The following RUVBL1 variants were observed in gnomAD, a reference collection of about 807,000 sequenced individuals.
RUVBL1 encodes ruvB-like 1.
A neutral mutation model predicts 52.4 loss-of-function variants in RUVBL1; 4 were observed. That is an observed-to-expected ratio of 0.08 (90% CI 0.04 to 0.17). The LOEUF is 0.17. Ranked by LOEUF, RUVBL1 falls within the 10% of genes least tolerant of loss-of-function variation. The pLI is 1.00. For synonymous variants in RUVBL1, 217 were observed against 214.4 expected (o/e 1.01, Z -0.10); for missense variants, 298 against 572.8 (o/e 0.52, Z 4.90).
At chr3:128,147,324 C>G (rs1407170954) in intron 1 of RUVBL1, among the ~76,000 whole-genome samples, 3 of 152,134 alleles carry the variant, frequency 2.0e-5, no homozygotes, top group Non-Finnish European at 4.4e-5. Context: ...CCCACCTTGG[C>G]CTCCCAAAAT....
rs543949229 is a variant in RUVBL1 at position 128,146,361 on chromosome 3, T to G, written c.-40+6842A>C. ...GTGCGTGTGTCTCTGTGCTTATGCA[T>G]GGCCCCATTTGCCTGCTGCTGTGAG... On this transcript the variant is annotated intron_variant, in intron 1 of 9. Coordinates refer to the RUVBL1 transcript ENST00000464873. 2.0e-5 allele frequency among the ~76,000 whole-genome samples: 3 copies of G among 151,678 alleles called. No individual in the cohort carries two copies. In the East Asian group the frequency reaches 5.8e-4, roughly 29 times the overall value.
rs372381267 is a variant in RUVBL1 at position 128,081,331 on chromosome 3, G to A, written c.1290C>T (p.Val430=). The change falls in exon 11 of 11, where the codon GTC becomes GTT. Residue 430 remains valine (V), a synonymous_variant. Coordinates refer to ENST00000322623, the MANE Select transcript of RUVBL1 (RefSeq NM_003707.3). The surrounding 1 kb of genome is among the most constrained non-coding windows in gnomAD (Gnocchi z 4.8). ...CATAGAAAAGTTCACTGATCTCTTC[G>A]ACATGCTCTTTCTCAATGCTGTCCT... ...NGKDSIEKEH[V]EEISELFYDA... 3.8e-5 allele frequency: 61 copies of A among 1,614,192 alleles called. No homozygotes were observed. The African/African-American group carries it at 4.7e-4, about 12-fold the overall frequency.
At chr3:128,146,667 A>G (rs2955102) in intron 1 of RUVBL1, among the ~76,000 whole-genome samples, 44,927 of 140,508 alleles carry the variant, frequency 0.32, 6,877 homozygotes, top group Middle Eastern at 0.41. Flanking sequence ...GCGTGTGCAC[A>G]TGTTTGCGTG....
At chr3:128,138,766 A>G (rs1291671348) in intron 1 of RUVBL1, among the ~76,000 whole-genome samples, 1 of 152,174 alleles carries the variant, frequency 6.6e-6, no homozygotes, top group African/African-American at 2.4e-5. Flanking sequence ...AAAAAGAACA[A>G]AACTGTAGCA....
chr3:128,109,151 T>C (rs1373282658), intron 3 of RUVBL1, among the ~76,000 whole-genome samples: 1 of 152,238 alleles, frequency 6.6e-6, no homozygotes, highest in Admixed American at 6.5e-5. Context: ...TCTGAGGTGC[T>C]GGCCGTGCTC....
At chr3:128,149,791 T>A (rs552076608) in intron 1 of RUVBL1, among the ~76,000 whole-genome samples, 2 of 152,314 alleles carry the variant, frequency 1.3e-5, no homozygotes, top group African/African-American at 4.8e-5. Flanking sequence ...TCGGTGATGT[T>A]GTAACACCAA....
intron 3 of RUVBL1, among the ~76,000 whole-genome samples, chr3:128,106,258 A>T (rs1293276683): frequency 1.3e-5 from 2 of 152,352 alleles, no homozygotes; most frequent in East Asian, 3.9e-4. Flanking sequence ...AAATAAAGGT[A>T]AATTTCTCTC....
At chr3:128,084,169 C>T (rs1163228384) in intron 9 of RUVBL1, 5 of 152,304 alleles carry the variant, frequency 3.3e-5, no homozygotes, top group African/African-American at 9.6e-5. Flanking sequence ...CCACATGAAA[C>T]GTATCTGCTG....
At chr3:128,100,219 G>A (rs4857866) in intron 6 of RUVBL1, among the ~76,000 whole-genome samples, 1 of 152,018 alleles carries the variant, frequency 6.6e-6, no homozygotes, top group African/African-American at 2.4e-5. Flanking sequence ...CAGGGGGAAA[G>A]AAAGAGCTTT....
chr3:128,144,914 A>G (rs907615894), intron 1 of RUVBL1, among the ~76,000 whole-genome samples: 1 of 152,188 alleles, frequency 6.6e-6, no homozygotes, highest in Non-Finnish European at 1.5e-5. Flanking sequence ...CTCTTGGTGC[A>G]GGGGCACATG....
intron 6 of RUVBL1, 111 bp from the exon 7 acceptor site, chr3:128,099,056 C>T: frequency 1.1e-6 from 1 of 877,144 alleles, no homozygotes. Context: ...GTATGGAGAC[C>T]CCTCCTCAAA....
intron 8 of RUVBL1, among the ~76,000 whole-genome samples, chr3:128,092,734 C>T (rs973489639): frequency 2.6e-5 from 4 of 152,200 alleles, no homozygotes; most frequent in Non-Finnish European, 5.9e-5. Context: ...TTGGGACCTT[C>T]GTCCATTGCT....
intron 1 of RUVBL1, among the ~76,000 whole-genome samples, chr3:128,136,603 G>A (rs1943950635): frequency 7.3e-6 from 1 of 137,326 alleles, no homozygotes; most frequent in Non-Finnish European, 1.5e-5. Context: ...TCCAGCCTGG[G>A]TGACAGAGTG....
intron 3 of RUVBL1, 146 bp from the exon 4 acceptor site, chr3:128,105,070 A>C (rs1943192575): frequency 1.3e-6 from 1 of 757,482 alleles, no homozygotes; most frequent in African/African-American, 1.7e-5. Flanking sequence ...AAGGCAATAC[A>C]AACATATCAA....
At chr3:128,123,480 A>C in intron 1 of RUVBL1, 104 bp downstream of exon 1, 1 of 1,254,378 alleles carries the variant, frequency 8.0e-7, no homozygotes, top group Non-Finnish European at 1.0e-6. Context: ...TAATGGCGGG[A>C]GACCCCTGGC....
rs1267040349 is a variant in RUVBL1 at position 128,081,176 on chromosome 3, G to C, written c.*74C>G. On this transcript the variant is annotated 3_prime_UTR_variant, in exon 11 of 11. Coordinates refer to ENST00000322623, the MANE Select transcript of RUVBL1 (RefSeq NM_003707.3). This position sits in a 1 kb window ranked among gnomAD's most constrained non-coding sequence, Gnocchi z 4.8. ...GTGGGGACGGCAGCCCCAAGCCCAGGGGCAAGCGCCCACAGGCTGGACCCA... is the reference window on the plus strand; with the variant it reads ...GTGGGGACGGCAGCCCCAAGCCCAGCGGCAAGCGCCCACAGGCTGGACCCA... 9.2e-5 allele frequency: 140 copies of C among 1,522,932 alleles called. No individual in the cohort carries two copies. Among genetic ancestry groups the C allele is most frequent in the Non-Finnish European group, 1.2e-4 (137 of 1,116,966 alleles). 94.3% of individuals were successfully genotyped at this position (1,522,932 alleles called of 1,614,324 possible).
At position 128,123,617 on chromosome 3, in the gene RUVBL1, G is replaced by A. The variant is rs767914147; in HGVS notation, c.108C>T (p.Ala36=). 1.8e-5 allele frequency: 29 copies of A among 1,611,138 alleles called. No homozygotes were observed. The highest frequency in any genetic ancestry group is 1.7e-4 in the Middle Eastern group (1 of 6,016). Residue 36 remains alanine, a synonymous_variant, in exon 1 of 11, where the codon GCC becomes GCT. Transcript: ENST00000322623. ...LDESGLAKQA[A]SGLVGQENAR... The stretch of plus-strand genomic sequence containing the variant: ...CGTTCTCCTGGCCCACAAGCCCTGA[G>A]GCCGCCTGCTTGGCCAAGCCGCTCT...
chr3:128,151,095 A>G (rs1319365657), intron 1 of RUVBL1, among the ~76,000 whole-genome samples: 1 of 117,322 alleles, frequency 8.5e-6, no homozygotes, highest in African/African-American at 3.4e-5. Flanking sequence ...ATATCTATAT[A>G]TTCTATATAT....
upstream of RUVBL1, among the ~76,000 whole-genome samples, chr3:128,124,040 G>A (rs1013571904): frequency 6.6e-6 from 1 of 152,196 alleles, no homozygotes; most frequent in Non-Finnish European, 1.5e-5. Context: ...TAGGGCTGGG[G>A]CGTTGCACGA....
Sources: gnomAD v4.1 joint callset for allele counts (sites outside exome capture counted in the v4.1 genomes callset) on GRCh38, gnomAD v4.1.1 for gene constraint, Gnocchi (gnomAD v3.1) non-coding constraint, MANE v1.5 for transcripts, NCBI Gene and HGNC (gene_info 2026-07-23, HGNC 2026-07-21) for gene names.